The following PTPRG variants were observed in gnomAD, a reference collection of about 807,000 sequenced individuals.
PTPRG encodes the protein protein tyrosine phosphatase receptor type G.
In PTPRG, 102 loss-of-function variants were observed where a neutral mutation model predicts 165.3. That is an observed-to-expected ratio of 0.62 (90% CI 0.53 to 0.73). The LOEUF is 0.73. Ranked by LOEUF, PTPRG falls within the 30% of genes least tolerant of loss-of-function variation. The pLI, the probability that PTPRG is intolerant of heterozygous loss-of-function variation, is 0.00. For missense variants in PTPRG, 1,866 were observed against 1,861.4 expected (o/e 1.00, Z -0.05); for synonymous variants, 675 against 669.5 (o/e 1.01, Z -0.13).
intron 4 of PTPRG, among the ~76,000 whole-genome samples, chr3:62,042,893 G>T (rs893776896): frequency 2.6e-5 from 4 of 152,176 alleles, no homozygotes; most frequent in African/African-American, 7.2e-5. Flanking sequence ...ACATCAAGGA[G>T]CACAGGATAG....
intron 13 of PTPRG, 140 bp from the exon 14 acceptor site, chr3:62,231,085 T>C (rs1700890951): frequency 5.4e-6 from 3 of 551,872 alleles, no homozygotes. Context: ...GCATCCTCTT[T>C]TGAAAATGTC....
At chr3:61,678,725 C>A (rs1231833318) in intron 1 of PTPRG, among the ~76,000 whole-genome samples, 1 of 152,202 alleles carries the variant, frequency 6.6e-6, no homozygotes, top group African/African-American at 2.4e-5. Context: ...GTGTCATAAT[C>A]ATGTCCCATT....
At chr3:62,080,138 G>T (rs1204314549) in intron 5 of PTPRG, among the ~76,000 whole-genome samples, 3 of 145,880 alleles carry the variant, frequency 2.1e-5, no homozygotes, top group African/African-American at 7.9e-5. Flanking sequence ...CACTATCTCA[G>T]CTCACCACAA....
chr3:62,013,585 G>T (rs968171986), intron 4 of PTPRG, among the ~76,000 whole-genome samples: 2 of 152,132 alleles, frequency 1.3e-5, no homozygotes, highest in Admixed American at 1.3e-4. Context: ...TTGCAGCAGG[G>T]CTTGGGTAGC....
intron 1 of PTPRG, among the ~76,000 whole-genome samples, chr3:61,721,419 A>G (rs778373156): frequency 2.6e-5 from 4 of 152,184 alleles, no homozygotes; most frequent in South Asian, 4.1e-4. Context: ...CAGAGACACT[A>G]TGCAATTGAG....
intron 2 of PTPRG, among the ~76,000 whole-genome samples, chr3:61,917,067 C>T (rs555003016): frequency 3.9e-5 from 6 of 152,158 alleles, no homozygotes; most frequent in Non-Finnish European, 8.8e-5. Context: ...ACGGAATCAG[C>T]TCTACTGGCT....
chr3:61,647,620 C>G (rs566651412), intron 1 of PTPRG, among the ~76,000 whole-genome samples: 1 of 152,070 alleles, frequency 6.6e-6, no homozygotes, highest in South Asian at 2.1e-4. Context: ...GAAACCCCGT[C>G]TCCACTAAAA....
At chr3:61,976,818 G>T (rs2040518479) in intron 2 of PTPRG, among the ~76,000 whole-genome samples, 1 of 151,782 alleles carries the variant, frequency 6.6e-6, no homozygotes, top group South Asian at 2.1e-4. Flanking sequence ...TGGGATTACA[G>T]GCGCCCACCA....
At chr3:61,903,314 C>G (rs1416700361) in intron 2 of PTPRG, among the ~76,000 whole-genome samples, 1 of 152,210 alleles carries the variant, frequency 6.6e-6, no homozygotes, top group Admixed American at 6.5e-5. Flanking sequence ...ACATCTGCTC[C>G]TCTGAGGGTA....
intron 2 of PTPRG, among the ~76,000 whole-genome samples, chr3:61,865,906 C>T (rs1231524616): frequency 6.6e-6 from 1 of 152,212 alleles, no homozygotes; most frequent in Non-Finnish European, 1.5e-5. Context: ...AAGGCACTGA[C>T]ATCTAATTAT....
At chr3:61,621,126 A>T (rs949184348) in intron 1 of PTPRG, among the ~76,000 whole-genome samples, 1 of 151,308 alleles carries the variant, frequency 6.6e-6, no homozygotes, top group Non-Finnish European at 1.5e-5. Context: ...TATGAAAATT[A>T]TAAAACCTTA....
At chr3:61,578,563 A>G (rs1304465744) in intron 1 of PTPRG, among the ~76,000 whole-genome samples, 1 of 152,232 alleles carries the variant, frequency 6.6e-6, no homozygotes, top group Non-Finnish European at 1.5e-5. Context: ...CAGAATGCTA[A>G]AATGGGTGGC....
At chr3:61,634,285 T>A (rs1271866298) in intron 1 of PTPRG, among the ~76,000 whole-genome samples, 2 of 152,102 alleles carry the variant, frequency 1.3e-5, no homozygotes, top group African/African-American at 4.8e-5. Flanking sequence ...TCATCTGGGC[T>A]GGAGTGCAGT....
chr3:61,938,550 T>G (rs1388173886), intron 2 of PTPRG, among the ~76,000 whole-genome samples: 1 of 152,234 alleles, frequency 6.6e-6, no homozygotes, highest in Non-Finnish European at 1.5e-5. Flanking sequence ...ATGATGAATA[T>G]CCCCGTGTTT....
At chr3:61,957,503 T>C (rs2040060354) in intron 2 of PTPRG, among the ~76,000 whole-genome samples, 1 of 152,240 alleles carries the variant, frequency 6.6e-6, no homozygotes, top group African/African-American at 2.4e-5. Flanking sequence ...AGCATTTTTA[T>C]GGAGAGCAGG....
At chr3:61,817,988 T>G (rs1271208212) in intron 2 of PTPRG, among the ~76,000 whole-genome samples, 2 of 152,124 alleles carry the variant, frequency 1.3e-5, no homozygotes, top group South Asian at 4.1e-4. Flanking sequence ...AGTGTGGAAG[T>G]TGAGAAGACA....
intron 1 of PTPRG, among the ~76,000 whole-genome samples, chr3:61,653,729 C>T (rs531846145): frequency 2.0e-5 from 3 of 152,214 alleles, no homozygotes; most frequent in South Asian, 2.1e-4. Context: ...ATCAGGGTAA[C>T]CTCTTCCTGT....
chr3:61,782,134 T>G lies in PTPRG; in HGVS notation c.190+33152T>G, dbSNP rs886550813. ...GGGTTGTTATTTTGTGCAGCTACTT[T>G]AAAATATTGGGAAACACCACTGTTG... On this transcript the variant is annotated intron_variant, in intron 2 of 29. Transcript: ENST00000474889. 2.6e-5 allele frequency among the ~76,000 whole-genome samples: 4 copies of G among 152,188 alleles called. No homozygotes were observed. In the East Asian group the frequency reaches 7.7e-4, roughly 29 times the overall value.
chr3:62,125,378 G>C (rs1056252217), intron 5 of PTPRG, among the ~76,000 whole-genome samples: 1 of 152,076 alleles, frequency 6.6e-6, no homozygotes, highest in Non-Finnish European at 1.5e-5. Flanking sequence ...TCTGGATTTC[G>C]AGCCTTTTGT....
Sources: gnomAD v4.1 joint callset for allele counts (sites outside exome capture counted in the v4.1 genomes callset) on GRCh38, gnomAD v4.1.1 for gene constraint, MANE v1.5 for transcripts, NCBI Gene and HGNC (gene_info 2026-07-23, HGNC 2026-07-21) for gene names.